Variants in PTGFRN observed in about 807,000 individuals in gnomAD.
PTGFRN encodes the protein prostaglandin F2 receptor inhibitor.
A neutral mutation model predicts 83.2 loss-of-function variants in PTGFRN; 35 were observed. That is an observed-to-expected ratio of 0.42 (90% CI 0.32 to 0.56). The LOEUF (loss-of-function observed/expected upper bound fraction) is 0.56, where lower values mean the gene tolerates loss of function less well. Ranked by LOEUF, PTGFRN falls within the 20% of genes least tolerant of loss-of-function variation. The probability of loss-of-function intolerance (pLI) is 0.11; values close to 1 mark genes in which losing one functional copy is unlikely to be tolerated. For synonymous variants in PTGFRN, 519 were observed against 498.6 expected, an observed-to-expected ratio of 1.04 and a Z score of -0.55; for missense variants, 1,051 against 1,179.5, an observed-to-expected ratio of 0.89 and a Z score of 1.60.
At chr1:116,953,931 C>G (rs545887023) in intron 4 of PTGFRN, among the ~76,000 whole-genome samples, 1 of 150,596 alleles carries the variant, frequency 6.6e-6, no homozygotes, top group East Asian at 2.0e-4. Flanking sequence ...TGGCTCACTG[C>G]AACCTCCGCC....
At position 116,961,500 on chromosome 1, in the gene PTGFRN, T is replaced by C. The variant is rs1330714015; in HGVS notation, c.1471T>C (p.Ser491Pro). ...QRAQDGDFIF[S>P]KEHTDTFNFR... ...GGCCCAGGATGGAGACTTTATTTTT[T>C]CTAAGGAACATACAGACACGTTCAA... Residue 491 changes from serine to proline, a missense_variant, in exon 5 of 9, where the codon TCT becomes CCT. Transcript: ENST00000393203. This position sits in a 1 kb window ranked among gnomAD's most constrained non-coding sequence, Gnocchi z 5.4. 2 of 1,614,110 alleles carry C rather than the reference T, an allele frequency of 1.2e-6. No homozygotes were observed. The highest frequency in any genetic ancestry group is 1.7e-5 in the Admixed American group (1 of 60,014).
intron 7 of PTGFRN, among the ~76,000 whole-genome samples, 164 bp from the exon 8 acceptor site, chr1:116,984,516 A>G (rs973916233): frequency 6.6e-6 from 1 of 152,176 alleles, no homozygotes; most frequent in Non-Finnish European, 1.5e-5. Flanking sequence ...GAATAAAAGT[A>G]TGATAGTGCC....
Position 116,961,354 on chromosome 1 carries a change from G to A in PTGFRN, c.1325G>A (p.Arg442Gln), listed in dbSNP as rs144591822. ...VDTKSGEANV[R>Q]FTVSWYYRMN... ...ACGAAGAGTGGGGAGGCGAATGTCCGATTCACGGTTTCGTGGTACTACAGG... is the reference window on the plus strand; with the variant it reads ...ACGAAGAGTGGGGAGGCGAATGTCCAATTCACGGTTTCGTGGTACTACAGG... The change falls in exon 5 of 9, where the codon CGA becomes CAA. Residue 442 changes from arginine (R) to glutamine (Q), a missense_variant. Transcript: ENST00000393203. This position sits in a 1 kb window ranked among gnomAD's most constrained non-coding sequence, Gnocchi z 5.4. 238 of 1,593,640 alleles carry A rather than the reference G, an allele frequency of 1.5e-4. 2 individuals carry two copies. The highest frequency in any genetic ancestry group is 8.5e-4 in the Admixed American group (50 of 59,004).
chr1:116,967,904 T>G (rs1203053104), intron 6 of PTGFRN, among the ~76,000 whole-genome samples: 1 of 152,212 alleles, frequency 6.6e-6, no homozygotes, highest in Non-Finnish European at 1.5e-5. Context: ...TGTACAAATT[T>G]TTGATGAATG....
At chr1:116,926,491 A>G (rs962521712) in intron 1 of PTGFRN, among the ~76,000 whole-genome samples, 4 of 152,168 alleles carry the variant, frequency 2.6e-5, no homozygotes, top group Non-Finnish European at 5.9e-5. Context: ...AGAATTGTTT[A>G]AGTCATTTCA....
At chr1:116,946,845 A>G (rs920980441) in intron 3 of PTGFRN, among the ~76,000 whole-genome samples, 28 of 152,266 alleles carry the variant, frequency 1.8e-4, no homozygotes, top group African/African-American at 5.8e-4. Context: ...ATGCTGCTTT[A>G]TTAATGCATT....
At position 116,959,157 on chromosome 1, in the gene PTGFRN, G is replaced by A. The variant is rs1650576948; in HGVS notation, c.1214-2086G>A. Among the ~76,000 whole-genome samples, 3 of 152,318 alleles carry A rather than the reference G, an allele frequency of 2.0e-5. No individual in the cohort carries two copies. In the South Asian group the frequency reaches 6.2e-4, roughly 32 times the overall value. On this transcript the variant is annotated intron_variant, in intron 4 of 8. Transcript: ENST00000393203. ...GTGTAAACACAGTTGGGTGGTGTGT[G>A]TCCTTCAGTCAGTTTTTGCTAGGGT...
chr1:116,934,753 G>A (rs1354485872), intron 1 of PTGFRN, among the ~76,000 whole-genome samples: 1 of 152,158 alleles, frequency 6.6e-6, no homozygotes, highest in African/African-American at 2.4e-5. Flanking sequence ...ATTGAACACT[G>A]AAAAATTGTA....
At position 116,961,348 on chromosome 1, in the gene PTGFRN, A is replaced by G. The variant is rs752518195; in HGVS notation, c.1319A>G (p.Asn440Ser). Residue 440 changes from asparagine to serine, a missense_variant, in exon 5 of 9, where the codon AAT (asparagine) becomes AGT (serine). By Grantham distance (46) the Asn-to-Ser change is conservative. Around this residue, in one of 3 missense-constraint regions of PTGFRN, gnomAD observed 719 missense variants for 836.6 expected, o/e 0.86. Transcript: ENST00000393203. The surrounding 1 kb of genome is among the most constrained non-coding windows in gnomAD (Gnocchi z 5.4). Reference protein sequence around the residue: ...RVVDTKSGEANVRFTVSWYYR... With the variant: ...RVVDTKSGEASVRFTVSWYYR... ...GTGGACACGAAGAGTGGGGAGGCGA[A>G]TGTCCGATTCACGGTTTCGTGGTAC... is the stretch of plus-strand genomic sequence containing the variant. The G allele has an allele frequency of 2.1e-5, 33 of 1,588,860 alleles. No homozygotes were observed. Among genetic ancestry groups the G allele is most frequent in the East Asian group, 4.5e-5 (2 of 44,582 alleles).
At chr1:116,925,408 C>G (rs1649634903) in intron 1 of PTGFRN, among the ~76,000 whole-genome samples, 2 of 150,254 alleles carry the variant, frequency 1.3e-5, no homozygotes. Flanking sequence ...GCCTGGGCGA[C>G]AGAGAGAGAC....
chr1:116,969,886 C>G (rs1311265110), intron 6 of PTGFRN, among the ~76,000 whole-genome samples: 1 of 151,868 alleles, frequency 6.6e-6, no homozygotes, highest in Non-Finnish European at 1.5e-5. Context: ...TACTTTTTGG[C>G]TTGTTTATTC....
chr1:116,951,627 A>T lies in PTGFRN; in HGVS notation c.1213+2055A>T, dbSNP rs59041052. ...AGATATTTGCCCCTGAGTAAACCTA[A>T]CGAAAGAGCGAGTAGTATGAAAAAC... On this transcript the variant is annotated intron_variant, in intron 4 of 8. Transcript: ENST00000393203. Among the ~76,000 whole-genome samples, 1,366 of 152,328 alleles carry T rather than the reference A, an allele frequency of 9.0e-3. 22 individuals carry two copies. Among genetic ancestry groups the T allele is most frequent in the African/African-American group, 0.031 (1,307 of 41,572 alleles).
rs1649663907 is a variant in PTGFRN, at chr1:116,926,509, TG to T, written c.50-15205del. 2.0e-5 allele frequency among the ~76,000 whole-genome samples: 3 copies of T among 152,252 alleles called. No homozygotes were observed. The South Asian group carries it at 6.2e-4, about 32-fold the overall frequency. Reference sequence around the variant, plus strand: ...ATTGTTTAAGTCATTTCATGTTTATTGAGTTATTTTGGTTAATCATCAGTAC... The same window carrying T: ...ATTGTTTAAGTCATTTCATGTTTATTAGTTATTTTGGTTAATCATCAGTAC... On this transcript the variant is annotated intron_variant, in intron 1 of 8. Coordinates refer to ENST00000393203, the MANE Select transcript of PTGFRN (RefSeq NM_020440.4).
rs755685516 is a variant in PTGFRN, at chr1:116,961,445, G to A, written c.1416G>A (p.Thr472=). Residue 472 remains threonine (T), a synonymous_variant, in exon 5 of 9, where the codon ACG becomes ACA. Coordinates refer to ENST00000393203, the MANE Select transcript of PTGFRN (RefSeq NM_020440.4). The surrounding 1 kb of genome is among the most constrained non-coding windows in gnomAD (Gnocchi z 5.4). ...TTGCAGTCATGGACGGGGACTGGAC[G>A]CTAAAATATGGAGAGAGGAGCAAGC... ...ELLAVMDGDW[T]LKYGERSKQR... 9.9e-6 allele frequency: 16 copies of A among 1,614,188 alleles called. No homozygotes were observed. The highest frequency in any genetic ancestry group is 2.7e-5 in the African/African-American group (2 of 75,046).
chr1:116,928,740 T>C (rs1301248242), intron 1 of PTGFRN, among the ~76,000 whole-genome samples: 5 of 152,206 alleles, frequency 3.3e-5, no homozygotes, highest in African/African-American at 9.6e-5. Context: ...TCCTTTCTAC[T>C]ATTTTACTGA....
At chr1:116,953,321 C>T (rs920963273) in intron 4 of PTGFRN, among the ~76,000 whole-genome samples, 13 of 152,180 alleles carry the variant, frequency 8.5e-5, no homozygotes, top group South Asian at 2.1e-4. Flanking sequence ...CATTTATAGG[C>T]GATAAGATTT....
At chr1:116,920,083 G>T (rs1225268612) in intron 1 of PTGFRN, among the ~76,000 whole-genome samples, 1 of 152,222 alleles carries the variant, frequency 6.6e-6, no homozygotes, top group Non-Finnish European at 1.5e-5. Context: ...TAATCCTGCA[G>T]CCTGTGCCTG....
chr1:116,967,898 C>T (rs1046798668), intron 6 of PTGFRN, among the ~76,000 whole-genome samples: 1 of 152,100 alleles, frequency 6.6e-6, no homozygotes, highest in East Asian at 1.9e-4. Flanking sequence ...CATTCATGTA[C>T]AAATTTTTGA....
intron 1 of PTGFRN, among the ~76,000 whole-genome samples, chr1:116,911,000 G>A (rs575899772): frequency 6.6e-6 from 1 of 152,004 alleles, no homozygotes; most frequent in Non-Finnish European, 1.5e-5. Context: ...TGGGTGCCCC[G>A]TGAGGTTTTG....
Sources: allele counts gnomAD v4.1 joint callset (sites outside exome capture counted in the v4.1 genomes callset), GRCh38; gene constraint gnomAD v4.1.1; regional missense constraint gnomAD v4.1.1; non-coding constraint Gnocchi (gnomAD v3.1); transcripts MANE v1.5; gene names NCBI Gene and HGNC (gene_info 2026-07-23, HGNC 2026-07-21).